The following RAPGEF2 variants were observed in gnomAD, a reference collection of about 807,000 sequenced individuals.
RAPGEF2 encodes the protein PDZ domain containing guanine nucleotide exchange factor (GEF) 1.
A neutral mutation model predicts 186.7 loss-of-function variants in RAPGEF2; 54 were observed. The ratio of observed to expected loss-of-function variants is 0.29; its 90% CI spans 0.23 to 0.36. RAPGEF2 has a LOEUF of 0.36. RAPGEF2 is among the 10% of genes least tolerant of loss of function. The pLI is 1.00. For synonymous variants in RAPGEF2, 712 were observed against 705.9 expected (o/e 1.01, Z -0.14); for missense variants, 1,532 against 2,045.0 (o/e 0.75, Z 4.84).
intron 1 of RAPGEF2, among the ~76,000 whole-genome samples, chr4:159,139,600 A>AT (rs1742095691): frequency 6.6e-6 from 1 of 152,104 alleles, no homozygotes; most frequent in South Asian, 2.1e-4. Context: ...AGCACTTTAA[A>AT]TTTTTTTCCT....
In RAPGEF2 at chr4:159,241,289, A is replaced by G; in HGVS notation, c.446A>G (p.Lys149Arg). The G allele has an allele frequency of 6.5e-7, 1 of 1,533,940 alleles. No individual in the cohort carries two copies. Among genetic ancestry groups the G allele is most frequent in the Non-Finnish European group, 8.7e-7 (1 of 1,145,578 alleles). ...AGGAGATTTAGAAAAATCAACCAGA[A>G]AGGTGAAAGACAAACAATTATTGAC... is the stretch of plus-strand genomic sequence containing the variant. ...SRRRFRKINQ[K>R]GERQTIIDTV... is the part of the protein sequence containing the mutation. The change falls in exon 6 of 30, where the codon AAA becomes AGA. Residue 149 changes from lysine (K) to arginine (R), a missense_variant. Lys to Arg is a conservative substitution (Grantham distance 26). Coordinates refer to ENST00000691494, the MANE Select transcript of RAPGEF2 (RefSeq NM_001394067.2).
chr4:159,184,796 T>G (rs1451006225), intron 1 of RAPGEF2, among the ~76,000 whole-genome samples: 1 of 152,220 alleles, frequency 6.6e-6, no homozygotes, highest in Non-Finnish European at 1.5e-5. Context: ...CTTTTGGTGT[T>G]TTAGTCATGA....
chr4:159,209,278 A>G (rs763286070), intron 3 of RAPGEF2, among the ~76,000 whole-genome samples: 3 of 151,470 alleles, frequency 2.0e-5, no homozygotes, highest in African/African-American at 4.8e-5. Flanking sequence ...TGATTTTACA[A>G]AAAAAAAATA....
chr4:159,144,663 G>T (rs1742716271), intron 1 of RAPGEF2, among the ~76,000 whole-genome samples: 1 of 152,130 alleles, frequency 6.6e-6, no homozygotes, highest in Non-Finnish European at 1.5e-5. Context: ...AGCCTGGCTA[G>T]GTTTTGGGAT....
At chr4:159,121,554 A>C (rs1289218406) in intron 1 of RAPGEF2, among the ~76,000 whole-genome samples, 1 of 151,762 alleles carries the variant, frequency 6.6e-6, no homozygotes, top group Non-Finnish European at 1.5e-5. Flanking sequence ...TTTTTTGTGG[A>C]GATGGGATCT....
Position 159,193,186 on chromosome 4 carries a change from T to TA in RAPGEF2, c.141-13dup. 1.4e-6 allele frequency: 2 copies of TA among 1,459,996 alleles called. No homozygotes were observed. The highest frequency in any genetic ancestry group is 9.0e-7 in the Non-Finnish European group (1 of 1,109,410). 90.4% of individuals were successfully genotyped at this position (1,459,996 alleles called of 1,614,324 possible). On this transcript the variant is annotated splice_polypyrimidine_tract_variant and intron_variant, in intron 2 of 29. Transcript: ENST00000691494. ...GTGACAGATGTTGAACTCATGTTTT[T>TA]ATCTCTTTTACAGGTTAATGTGTGA... is the stretch of plus-strand genomic sequence containing the variant.
chr4:159,339,413 C>A, intron 19 of RAPGEF2, 59 bp downstream of exon 19: 2 of 1,545,506 alleles, frequency 1.3e-6, no homozygotes, highest in South Asian at 1.2e-5. Flanking sequence ...ACATCAAAGT[C>A]TAAGAGATGA....
rs1200659439 is a variant in RAPGEF2 at position 159,198,303 on chromosome 4, TTTCTTTCTTTCTTTCTTTCTTTC to T, written c.197+5050_197+5072del. Among the ~76,000 whole-genome samples the T allele has an allele frequency of 5.3e-5, 4 of 75,240 alleles. No homozygotes were observed. The East Asian group carries it at 1.2e-3, about 22-fold the overall frequency. 49.4% of individuals were successfully genotyped at this position (75,240 alleles called of 152,430 possible). A position where few individuals can be genotyped will look rare whatever the true frequency, so the allele number is the denominator to read the frequency against. ...CTTTCTTTCTTTCTTTCTTTCTTTC[TTTCTTTCTTTCTTTCTTTCTTTC>T]TTTCTTTCTTTTTCTTTCTCTCTCT... On this transcript the variant is annotated intron_variant, in intron 3 of 29. Coordinates refer to ENST00000691494, the MANE Select transcript of RAPGEF2 (RefSeq NM_001394067.2).
chr4:159,330,279 G>A (rs1766495627), intron 12 of RAPGEF2, 55 bp from the exon 13 acceptor site: 1 of 834,924 alleles, frequency 1.2e-6, no homozygotes, highest in African/African-American at 1.8e-5. Flanking sequence ...GTGTGTGTGT[G>A]TGTGTGTGTG....
intron 3 of RAPGEF2, among the ~76,000 whole-genome samples, chr4:159,194,813 A>G (rs1339006781): frequency 6.6e-6 from 1 of 152,176 alleles, no homozygotes; most frequent in Non-Finnish European, 1.5e-5. Context: ...ATGTGATCAC[A>G]TGTCTCCCAA....
chr4:159,111,154 G>A (rs951828054), intron 1 of RAPGEF2, among the ~76,000 whole-genome samples: 10 of 152,128 alleles, frequency 6.6e-5, no homozygotes, highest in African/African-American at 2.2e-4. Flanking sequence ...CCCTTGGTGC[G>A]GTGGTGGTGG....
chr4:159,262,818 G>A (rs116581988), intron 7 of RAPGEF2, among the ~76,000 whole-genome samples: 75 of 141,400 alleles, frequency 5.3e-4, no homozygotes, highest in African/African-American at 2.0e-3. Context: ...ACAGTTTGCC[G>A]TCAGAAACTT....
intron 1 of RAPGEF2, among the ~76,000 whole-genome samples, chr4:159,113,676 A>G (rs1223281320): frequency 7.2e-6 from 1 of 138,062 alleles, no homozygotes; most frequent in East Asian, 2.3e-4. Flanking sequence ...CAGGAGGTGG[A>G]GGTTGCAGTG....
intron 2 of RAPGEF2, among the ~76,000 whole-genome samples, chr4:159,188,670 A>G (rs1403171352): frequency 6.6e-6 from 1 of 151,800 alleles, no homozygotes; most frequent in African/African-American, 2.4e-5. Context: ...TCTCAAAAAA[A>G]AAAAAAAAGA....
In RAPGEF2 at chr4:159,127,129, C is replaced by T. The variant is rs578053178; in HGVS notation, c.69+22898C>T. Among the ~76,000 whole-genome samples, 4 of 152,228 alleles carry T rather than the reference C, an allele frequency of 2.6e-5. No individual in the cohort carries two copies. The South Asian group carries it at 6.2e-4, about 24-fold the overall frequency. On this transcript the variant is annotated intron_variant, in intron 1 of 29. Coordinates refer to ENST00000691494, the MANE Select transcript of RAPGEF2 (RefSeq NM_001394067.2). Reference sequence around the variant, plus strand: ...ACAACCTCCGCCTCCTGGGTTCAAGCGATTCTCCTGCCTCAGCCTCCTGAG... The same window carrying T: ...ACAACCTCCGCCTCCTGGGTTCAAGTGATTCTCCTGCCTCAGCCTCCTGAG...
rs186338866 is a variant in RAPGEF2 at position 159,274,428 on chromosome 4, A to T, written c.544-29914A>T. Among the ~76,000 whole-genome samples, 18 of 152,316 alleles carry T rather than the reference A, an allele frequency of 1.2e-4. No individual in the cohort carries two copies. In the East Asian group the frequency reaches 3.5e-3, roughly 29 times the overall value. On this transcript the variant is annotated intron_variant, in intron 7 of 29. Transcript: ENST00000691494. ...TATAAGCTTTTTTGAAAAATATTTTAAAAATAAAACGAATGTCTAAATATA... is the reference window on the plus strand; with the variant it reads ...TATAAGCTTTTTTGAAAAATATTTTTAAAATAAAACGAATGTCTAAATATA...
In RAPGEF2 at chr4:159,146,550, G is replaced by C. The variant is rs115068933; in HGVS notation, c.70-40092G>C. The stretch of plus-strand genomic sequence containing the variant: ...TTAATCCTCAGAAGAACCTAATGAG[G>C]TAGATGCTACTACTGTTATTGCTAT... On this transcript the variant is annotated intron_variant, in intron 1 of 29. Transcript: ENST00000691494. 5.5e-3 allele frequency among the ~76,000 whole-genome samples: 837 copies of C among 152,250 alleles called. 8 individuals are homozygous for C. The highest frequency in any genetic ancestry group is 0.019 in the African/African-American group (805 of 41,546).
At chr4:159,180,607 G>A (rs1244495912) in intron 1 of RAPGEF2, among the ~76,000 whole-genome samples, 1 of 152,158 alleles carries the variant, frequency 6.6e-6, no homozygotes, top group Non-Finnish European at 1.5e-5. Context: ...AACCCTGAAT[G>A]TAATTGAATT....
At chr4:159,218,959 G>GA (rs1377788114) in intron 4 of RAPGEF2, among the ~76,000 whole-genome samples, 1 of 151,656 alleles carries the variant, frequency 6.6e-6, no homozygotes, top group Non-Finnish European at 1.5e-5. Flanking sequence ...GCCAGTTAAT[G>GA]AAAGTACTAG....
Sources: gnomAD v4.1 joint callset for allele counts (sites outside exome capture counted in the v4.1 genomes callset) on GRCh38, gnomAD v4.1.1 for gene constraint, MANE v1.5 for transcripts, NCBI Gene and HGNC (gene_info 2026-07-23, HGNC 2026-07-21) for gene names.